The following CPEB3 variants were observed in gnomAD, a reference collection of about 807,000 sequenced individuals.
CPEB3 encodes cytoplasmic polyadenylation element binding protein 3.
Under a neutral mutation model 67.2 loss-of-function variants are expected in CPEB3, and 20 were observed. The ratio of observed to expected loss-of-function variants is 0.30; its 90% CI spans 0.21 to 0.43. The LOEUF (loss-of-function observed/expected upper bound fraction) is 0.43. Ranked by LOEUF, CPEB3 falls within the 20% of genes least tolerant of loss-of-function variation. CPEB3 has a pLI of 1.00. For synonymous variants in CPEB3, 376 were observed against 393.1 expected, an observed-to-expected ratio of 0.96 and a Z score of 0.51; for missense variants, 746 against 968.6, an observed-to-expected ratio of 0.77 and a Z score of 3.05.
chr10:92,153,838 AAG>A (rs1283874214), intron 4 of CPEB3, among the ~76,000 whole-genome samples: 9 of 152,226 alleles, frequency 5.9e-5, no homozygotes, highest in Non-Finnish European at 1.3e-4. Context: ...ACTTATGGAC[AAG>A]AGTTTCACAG....
chr10:92,147,387 T>TAGAGTCC (rs760484764), intron 4 of CPEB3, among the ~76,000 whole-genome samples: 40 of 151,572 alleles, frequency 2.6e-4, no homozygotes, highest in Non-Finnish European at 4.3e-4. Flanking sequence ...GTCCAGGAGG[T>TAGAGTCC]AGAGGTTGCA....
intron 4 of CPEB3, 23 bp from the exon 5 acceptor site, chr10:92,145,108 T>C (rs1381906116): frequency 6.2e-7 from 1 of 1,612,994 alleles, no homozygotes; most frequent in Admixed American, 1.7e-5. Flanking sequence ...AGAGAGAAGA[T>C]CGACCTGAAA....
chr10:92,285,723 A>T (rs1022462367), intron 1 of CPEB3, among the ~76,000 whole-genome samples: 4 of 152,098 alleles, frequency 2.6e-5, no homozygotes, highest in Admixed American at 2.6e-4. Flanking sequence ...CAGACCCAAG[A>T]TCCTTCTTTA....
At chr10:92,281,172 T>C (rs988598297) in intron 1 of CPEB3, among the ~76,000 whole-genome samples, 4 of 151,590 alleles carry the variant, frequency 2.6e-5, no homozygotes, top group African/African-American at 9.7e-5. Flanking sequence ...AGACATTTCT[T>C]CAAATAATTT....
At chr10:92,073,162 C>A (rs779999613) in intron 9 of CPEB3, among the ~76,000 whole-genome samples, 8 of 150,816 alleles carry the variant, frequency 5.3e-5, no homozygotes, top group Non-Finnish European at 1.0e-4. Context: ...CCCAGTCTCC[C>A]GGGTAGCTGT....
intron 9 of CPEB3, among the ~76,000 whole-genome samples, chr10:92,060,176 G>A (rs187404779): frequency 3.0e-4 from 45 of 151,994 alleles, no homozygotes; most frequent in African/African-American, 9.4e-4. Context: ...GGTCAACATG[G>A]TGAAACCCCA....
Position 92,047,276 on chromosome 10 carries a change from C to T in CPEB3, c.*4936G>A, listed in dbSNP as rs961584311. On this transcript the variant is annotated 3_prime_UTR_variant, in exon 10 of 10. Transcript: ENST00000265997. The stretch of plus-strand genomic sequence containing the variant: ...GGTTATTATAAAAGAAAAAAAAAAA[C>T]AAATGTTAGCTGACATACCATACAA... 1.4e-5 allele frequency: 2 copies of T among 144,478 alleles called. No individual in the cohort carries two copies. The highest frequency in any genetic ancestry group is 4.9e-5 in the African/African-American group (2 of 40,514). The allele number at this position is 144,478 out of a possible 1,614,324, so 8.9% of individuals were successfully genotyped here.
chr10:92,191,229 C>T (rs534156248), intron 3 of CPEB3, among the ~76,000 whole-genome samples: 1 of 151,770 alleles, frequency 6.6e-6, no homozygotes, highest in East Asian at 1.9e-4. Flanking sequence ...TGATGAAATC[C>T]CATCTCTATT....
intron 4 of CPEB3, among the ~76,000 whole-genome samples, chr10:92,164,176 A>T (rs543510532): frequency 6.6e-6 from 1 of 152,330 alleles, no homozygotes; most frequent in African/African-American, 2.4e-5. Flanking sequence ...GGCAGCTATC[A>T]TTATACACAT....
At chr10:92,220,877 G>A (rs150269543) in intron 2 of CPEB3, among the ~76,000 whole-genome samples, 3 of 152,256 alleles carry the variant, frequency 2.0e-5, no homozygotes, top group African/African-American at 4.8e-5. Flanking sequence ...ACAGAAAACC[G>A]TACATAATCT....
intron 2 of CPEB3, among the ~76,000 whole-genome samples, chr10:92,205,029 G>A (rs936224973): frequency 6.6e-6 from 1 of 151,806 alleles, no homozygotes; most frequent in African/African-American, 2.4e-5. Context: ...TAGTAGAGAT[G>A]GGGTTTCACC....
rs577123440 is a variant in CPEB3, at chr10:92,157,851, A to G, written c.1223-12766T>C. On this transcript the variant is annotated intron_variant, in intron 4 of 9. Transcript: ENST00000265997. ...CTATATCTTTTTTATAATTAAAAGA[A>G]CAAATTACCAACAACAAAAAAATAA... 2.0e-5 allele frequency among the ~76,000 whole-genome samples: 3 copies of G among 152,310 alleles called. No homozygotes were observed. In the East Asian group the frequency reaches 5.8e-4, roughly 29 times the overall value.
At chr10:92,169,075 C>T (rs903248228) in intron 4 of CPEB3, among the ~76,000 whole-genome samples, 6 of 151,602 alleles carry the variant, frequency 4.0e-5, no homozygotes, top group South Asian at 2.1e-4. Flanking sequence ...AGATCACAGG[C>T]GTGAGCTAAC....
At chr10:92,185,758 T>C (rs559343338) in intron 3 of CPEB3, among the ~76,000 whole-genome samples, 17 of 152,330 alleles carry the variant, frequency 1.1e-4, no homozygotes, top group Non-Finnish European at 1.9e-4. Context: ...CATATTCTAC[T>C]GGGTTTTATT....
At chr10:92,080,198 C>T (rs903967564) in intron 9 of CPEB3, among the ~76,000 whole-genome samples, 17 of 149,020 alleles carry the variant, frequency 1.1e-4, no homozygotes, top group African/African-American at 4.3e-4. Flanking sequence ...CTGAGCAAGA[C>T]TCCGTCTCAA....
intron 2 of CPEB3, among the ~76,000 whole-genome samples, chr10:92,227,531 C>T (rs2134513971): frequency 6.6e-6 from 1 of 152,220 alleles, no homozygotes; most frequent in South Asian, 2.1e-4. Flanking sequence ...ACCTTCTTAA[C>T]TGTTTATCTG....
intron 7 of CPEB3, among the ~76,000 whole-genome samples, chr10:92,103,868 A>T (rs896531044): frequency 2.0e-5 from 3 of 152,214 alleles, no homozygotes; most frequent in African/African-American, 7.2e-5. Context: ...TTTCAGCTCC[A>T]TGGTACTAGG....
chr10:92,107,680 G>T (rs1157007412), intron 7 of CPEB3, among the ~76,000 whole-genome samples: 4 of 151,906 alleles, frequency 2.6e-5, no homozygotes, highest in Non-Finnish European at 4.4e-5. Flanking sequence ...ATATGCCTGG[G>T]ATACCTGAGC....
chr10:92,148,070 C>G (rs1846774165), intron 4 of CPEB3, among the ~76,000 whole-genome samples: 1 of 152,162 alleles, frequency 6.6e-6, no homozygotes, highest in African/African-American at 2.4e-5. Flanking sequence ...GCTTTCTCCA[C>G]AAAACAGCCA....
Sources: gnomAD v4.1 joint callset for allele counts (sites outside exome capture counted in the v4.1 genomes callset) on GRCh38, gnomAD v4.1.1 for gene constraint, MANE v1.5 for transcripts, NCBI Gene and HGNC (gene_info 2026-07-23, HGNC 2026-07-21) for gene names.